Variants in PRKAA1 observed in about 807,000 individuals in gnomAD.
PRKAA1 encodes protein kinase AMP-activated catalytic subunit alpha 1, also known as 5'-AMP-activated protein kinase catalytic subunit alpha-1.
In PRKAA1, 23 loss-of-function variants were observed where a neutral mutation model predicts 56.9. The ratio of observed to expected loss-of-function variants is 0.40; its 90% CI spans 0.29 to 0.57. PRKAA1 has a LOEUF of 0.57. Ranked by LOEUF, PRKAA1 falls within the 20% of genes least tolerant of loss-of-function variation. The pLI is 0.39. For synonymous variants in PRKAA1, 226 were observed against 227.0 expected, an observed-to-expected ratio of 1.00 and a Z score of 0.04; for missense variants, 413 against 679.7, an observed-to-expected ratio of 0.61 and a Z score of 4.36.
intron 8 of PRKAA1, among the ~76,000 whole-genome samples, chr5:40,763,621 G>C (rs907978961): frequency 6.6e-6 from 1 of 152,100 alleles, no homozygotes; most frequent in Non-Finnish European, 1.5e-5. Context: ...TGGGAACACA[G>C]TACAAAAACA....
chr5:40,774,414 C>T (rs910118139), intron 3 of PRKAA1, among the ~76,000 whole-genome samples: 4 of 151,906 alleles, frequency 2.6e-5, no homozygotes, highest in Non-Finnish European at 5.9e-5. Flanking sequence ...ATAGAAAATA[C>T]GGGTGCTGAA....
At chr5:40,795,008 T>TATATACAC (rs750732309) in intron 1 of PRKAA1, among the ~76,000 whole-genome samples, 3 of 150,058 alleles carry the variant, frequency 2.0e-5, no homozygotes, top group African/African-American at 7.4e-5. Flanking sequence ...TACATATATA[T>TATATACAC]ACACACACAC....
rs1464507153 is a variant in PRKAA1, at chr5:40,784,934, A to T, written c.128-7348T>A. On this transcript the variant is annotated intron_variant, in intron 1 of 8. Coordinates refer to ENST00000397128, the MANE Select transcript of PRKAA1 (RefSeq NM_006251.6). ...TTTAAAAAGATAATCCTCAGAAGACATGTAAAAATACACATCCTTTTAATA... is the reference window on the plus strand; with the variant it reads ...TTTAAAAAGATAATCCTCAGAAGACTTGTAAAAATACACATCCTTTTAATA... 5.9e-5 allele frequency among the ~76,000 whole-genome samples: 9 copies of T among 152,372 alleles called. No homozygotes were observed. The East Asian group carries it at 1.7e-3, about 29-fold the overall frequency.
intron 8 of PRKAA1, 95 bp from the exon 9 acceptor site, chr5:40,763,117 G>T: frequency 7.8e-7 from 1 of 1,289,626 alleles, no homozygotes; most frequent in Non-Finnish European, 1.1e-6. Flanking sequence ...TGGGGCTGCT[G>T]GCCAGCTATC....
rs575543055 is a variant in PRKAA1, at chr5:40,777,384, A to G, written c.269+61T>C. 37 of 1,500,054 alleles carry G rather than the reference A, an allele frequency of 2.5e-5. No individual in the cohort carries two copies. In the African/African-American group the frequency reaches 4.0e-4, roughly 16 times the overall value. The allele number at this position is 1,500,054 out of a possible 1,614,324, so 92.9% of individuals were successfully genotyped here. A position where few individuals can be genotyped will look rare whatever the true frequency, so the allele number is the denominator to read the frequency against. ...GTCATTTTTCTCACTTGTCACATTA[A>G]GTAGGTTAACAAAAAAGATGAAAAG... On this transcript the variant is annotated intron_variant, in intron 2 of 8. Coordinates refer to ENST00000397128, the MANE Select transcript of PRKAA1 (RefSeq NM_006251.6).
intron 2 of PRKAA1, among the ~76,000 whole-genome samples, chr5:40,776,195 T>C (rs1421092378): frequency 6.6e-6 from 1 of 152,114 alleles, no homozygotes; most frequent in Non-Finnish European, 1.5e-5. Flanking sequence ...ATAAAGGAAC[T>C]GAGAAGCAAT....
chr5:40,785,825 C>T (rs1431629785), intron 1 of PRKAA1, among the ~76,000 whole-genome samples: 3 of 45,396 alleles, frequency 6.6e-5, no homozygotes, highest in Admixed American at 6.4e-4. Context: ...GAGGAGAGCA[C>T]ACACACACAC....
At chr5:40,784,292 T>C (rs1744380254) in intron 1 of PRKAA1, among the ~76,000 whole-genome samples, 2 of 152,170 alleles carry the variant, frequency 1.3e-5, no homozygotes, top group South Asian at 4.1e-4. Context: ...TCCAGGTACA[T>C]AAGTGCTAAA....
intron 4 of PRKAA1, 61 bp downstream of exon 4, chr5:40,771,658 G>T: frequency 2.7e-6 from 4 of 1,499,338 alleles, no homozygotes; most frequent in Non-Finnish European, 3.6e-6. Context: ...TTCTAGGTAG[G>T]TTCATTGAAA....
intron 1 of PRKAA1, among the ~76,000 whole-genome samples, chr5:40,797,472 G>A (rs908249569): frequency 1.2e-4 from 18 of 152,144 alleles, no homozygotes; most frequent in African/African-American, 4.1e-4. Context: ...CTGCTCCGAA[G>A]GAAACCAGTG....
intron 1 of PRKAA1, among the ~76,000 whole-genome samples, chr5:40,789,294 G>T (rs976919449): frequency 2.0e-5 from 3 of 152,096 alleles, no homozygotes; most frequent in Non-Finnish European, 4.4e-5. Flanking sequence ...TAAGAGAAAT[G>T]CAAATTAAAG....
chr5:40,788,419 C>T (rs1364302081), intron 1 of PRKAA1, among the ~76,000 whole-genome samples: 1 of 152,114 alleles, frequency 6.6e-6, no homozygotes, highest in African/African-American at 2.4e-5. Flanking sequence ...TAGAAGAAAA[C>T]TTAGGCGAGA....
chr5:40,760,376 A>G lies in PRKAA1; in HGVS notation c.*2402T>C, dbSNP rs2111961352. Reference sequence around the variant, plus strand: ...ACTTATAAGAGAAGCAAAGTTTACAAAATTAACAATTTTTAAAAGGTCCTA... The same window carrying G: ...ACTTATAAGAGAAGCAAAGTTTACAGAATTAACAATTTTTAAAAGGTCCTA... On this transcript the variant is annotated 3_prime_UTR_variant, in exon 9 of 9. Transcript: ENST00000397128. 1 of 152,886 alleles carries G rather than the reference A, an allele frequency of 6.5e-6. No individual in the cohort carries two copies. The highest frequency in any genetic ancestry group is 2.4e-5 in the African/African-American group (1 of 41,584). The allele number at this position is 152,886 out of a possible 1,614,324, so 9.5% of individuals were successfully genotyped here. A position where few individuals can be genotyped will look rare whatever the true frequency, so the allele number is the denominator to read the frequency against.
Position 40,798,091 on chromosome 5 carries a change from C to A in PRKAA1, c.99G>T (p.Leu33=). Residue 33 remains leucine, a synonymous_variant, in exon 1 of 9, where the codon CTG becomes CTT. Coordinates refer to ENST00000397128, the MANE Select transcript of PRKAA1 (RefSeq NM_006251.6). The part of the protein sequence containing the change: ...KIGHYILGDT[L]GVGTFGKVKV... ...TCACTTTGCCGAAGGTGCCGACCCC[C>A]AGCGTGTCACCCAGAATGTAGTGGC... The A allele has an allele frequency of 1.2e-6, 2 of 1,609,808 alleles. No individual in the cohort carries two copies. Among genetic ancestry groups the A allele is most frequent in the South Asian group, 2.2e-5 (2 of 90,982 alleles).
At chr5:40,781,834 A>C (rs1404292048) in intron 1 of PRKAA1, among the ~76,000 whole-genome samples, 1 of 152,152 alleles carries the variant, frequency 6.6e-6, no homozygotes, top group Non-Finnish European at 1.5e-5. Context: ...AAGGAAGGCA[A>C]CCCTATAATC....
At chr5:40,781,079 A>G (rs1744248735) in intron 1 of PRKAA1, among the ~76,000 whole-genome samples, 2 of 152,148 alleles carry the variant, frequency 1.3e-5, no homozygotes, top group South Asian at 4.1e-4. Context: ...CTTTCATACA[A>G]CCGAATGTGC....
At position 40,762,475 on chromosome 5, in the gene PRKAA1, A is replaced by G. The variant is rs1235028944; in HGVS notation, c.*303T>C. 1.2e-5 allele frequency: 3 copies of G among 256,800 alleles called. No individual in the cohort carries two copies. Among genetic ancestry groups the G allele is most frequent in the East Asian group, 8.4e-5 (1 of 11,910 alleles). The allele number at this position is 256,800 out of a possible 1,614,324, so 15.9% of individuals were successfully genotyped here. On this transcript the variant is annotated 3_prime_UTR_variant, in exon 9 of 9. Coordinates refer to ENST00000397128, the MANE Select transcript of PRKAA1 (RefSeq NM_006251.6). Reference sequence around the variant, plus strand: ...TATATGAAGGCCTTTATGTAAATTAATATTTCAAAGCCCTGTGTACACTAA... The same window carrying G: ...TATATGAAGGCCTTTATGTAAATTAGTATTTCAAAGCCCTGTGTACACTAA...
intron 1 of PRKAA1, among the ~76,000 whole-genome samples, chr5:40,783,758 CA>C (rs1163042789): frequency 8.2e-5 from 12 of 146,248 alleles, no homozygotes; most frequent in South Asian, 4.3e-4. Context: ...GACTCCATCT[CA>C]AAAAAAAAAA....
chr5:40,785,533 C>T (rs1044538818), intron 1 of PRKAA1, among the ~76,000 whole-genome samples: 1 of 151,742 alleles, frequency 6.6e-6, no homozygotes, highest in East Asian at 1.9e-4. Context: ...TAACCAACCA[C>T]GCCCAGCCCA....
Sources: gnomAD v4.1 joint callset for allele counts (sites outside exome capture counted in the v4.1 genomes callset) on GRCh38, gnomAD v4.1.1 for gene constraint, MANE v1.5 for transcripts, NCBI Gene and HGNC (gene_info 2026-07-23, HGNC 2026-07-21) for gene names.